Variants in GABPA observed in about 807,000 individuals in gnomAD.
The protein encoded by GABPA is GA-binding protein alpha chain.
In GABPA, 4 loss-of-function variants were observed where a neutral mutation model predicts 59.4. The observed-to-expected ratio is 0.07, with a 90% CI of 0.03 to 0.15. GABPA has a LOEUF of 0.15. Among genes scored for constraint, GABPA ranks in the 10% least tolerant of loss-of-function variants. GABPA has a pLI of 1.00. For synonymous variants in GABPA, 164 were observed against 183.1 expected, an observed-to-expected ratio of 0.90 and a Z score of 0.84; for missense variants, 251 against 543.8, an observed-to-expected ratio of 0.46 and a Z score of 5.36.
In GABPA at chr21:25,763,275, T is replaced by A; in HGVS notation, c.802+910T>A. The A allele has an allele frequency of 1.1e-5, 4 of 365,266 alleles. No homozygotes were observed. In the South Asian group the frequency reaches 1.2e-4, roughly 11 times the overall value. 22.6% of individuals were successfully genotyped at this position (365,266 alleles called of 1,614,324 possible). On this transcript the variant is annotated intron_variant, in intron 7 of 9. Transcript: ENST00000400075. ...GCCTGCTGAGCTCTTTTGGGGCATT[T>A]TTCCCCCCTTTTCAGCATGCATCTT...
intron 5 of GABPA, among the ~76,000 whole-genome samples, chr21:25,752,562 G>A (rs1325559729): frequency 1.3e-5 from 2 of 152,284 alleles, no homozygotes; most frequent in East Asian, 3.9e-4. Flanking sequence ...GTAGAAGTAT[G>A]CTATTGGAAT....
intron 7 of GABPA, among the ~76,000 whole-genome samples, chr21:25,763,574 A>C (rs1455343302): frequency 6.6e-6 from 1 of 152,154 alleles, no homozygotes; most frequent in Non-Finnish European, 1.5e-5. Context: ...CAACTATGTA[A>C]TCGTAAACAC....
intron 5 of GABPA, among the ~76,000 whole-genome samples, chr21:25,756,854 T>C (rs1282797262): frequency 6.6e-6 from 1 of 152,192 alleles, no homozygotes; most frequent in Non-Finnish European, 1.5e-5. Context: ...TAAAAAACTT[T>C]GCCACCATCT....
At chr21:25,744,613 G>T (rs1488722107) in intron 2 of GABPA, among the ~76,000 whole-genome samples, 1 of 152,104 alleles carries the variant, frequency 6.6e-6, no homozygotes, top group Non-Finnish European at 1.5e-5. Flanking sequence ...ACTTACCAAA[G>T]ATTTTAACCC....
At position 25,770,904 on chromosome 21, in the gene GABPA, A is replaced by G. The variant is rs1461031237; in HGVS notation, c.*1672A>G. 6.6e-6 allele frequency: 1 copy of G among 152,062 alleles called. No homozygotes were observed. The highest frequency in any genetic ancestry group is 1.9e-4 in the East Asian group (1 of 5,206). 9.4% of individuals were successfully genotyped at this position (152,062 alleles called of 1,614,324 possible). On this transcript the variant is annotated 3_prime_UTR_variant, in exon 10 of 10. Transcript: ENST00000400075. The stretch of plus-strand genomic sequence containing the variant: ...AAGCTCTTCCTGCAGTTGATATCTG[A>G]GCAGAGTAAGATTTGTATTTCCATT...
At chr21:25,747,815 A>G (rs940512963) in intron 3 of GABPA, among the ~76,000 whole-genome samples, 2 of 152,154 alleles carry the variant, frequency 1.3e-5, no homozygotes, top group African/African-American at 4.8e-5. Context: ...AGACAAGGAG[A>G]AAAAAACTTG....
In GABPA at chr21:25,764,653, C is replaced by A. The variant is rs761400758; in HGVS notation, c.1002C>A (p.Asp334Glu). 6.2e-7 allele frequency: 1 copy of A among 1,612,272 alleles called. No homozygotes were observed. Among genetic ancestry groups the A allele is most frequent in the East Asian group, 2.2e-5 (1 of 44,854 alleles). The stretch of plus-strand genomic sequence containing the variant: ...TGCTAGAACTTCTTACTGATAAGGA[C>A]GCTCGAGACTGCATTTCTTGGGTTG... ...QFLLELLTDK[D>E]ARDCISWVGD... Residue 334 changes from aspartate to glutamate, a missense_variant, in exon 9 of 10, where the codon GAC becomes GAA. Asp to Glu is a conservative substitution (Grantham distance 45). Around this residue, in one of 4 missense-constraint regions of GABPA, gnomAD observed 21 missense variants for 79.8 expected, o/e 0.26. Coordinates refer to ENST00000400075, the MANE Select transcript of GABPA (RefSeq NM_002040.4).
At chr21:25,762,467 A>G in intron 7 of GABPA, 102 bp downstream of exon 7, 2 of 749,668 alleles carry the variant, frequency 2.7e-6, no homozygotes, top group East Asian at 2.8e-5. Context: ...TTTTTTTTCT[A>G]CACACAAAAT....
intron 1 of GABPA, among the ~76,000 whole-genome samples, chr21:25,736,964 A>G (rs964422340): frequency 1.3e-5 from 2 of 152,180 alleles, no homozygotes; most frequent in Admixed American, 6.5e-5. Flanking sequence ...CTCCACTTAT[A>G]ATATATTGGG....
Position 25,770,781 on chromosome 21 carries a change from G to A in GABPA, c.*1549G>A, listed in dbSNP as rs1233432190. Reference sequence around the variant, plus strand: ...TAAGAGGCAGGGATCTTAAGGACAAGGAAGAGAAGAGAGAGAGGGAGGGAT... The same window carrying A: ...TAAGAGGCAGGGATCTTAAGGACAAAGAAGAGAAGAGAGAGAGGGAGGGAT... On this transcript the variant is annotated 3_prime_UTR_variant, in exon 10 of 10. Coordinates refer to ENST00000400075, the MANE Select transcript of GABPA (RefSeq NM_002040.4). 1 of 151,990 alleles carries A rather than the reference G, an allele frequency of 6.6e-6. No homozygotes were observed. Among genetic ancestry groups the A allele is most frequent in the Non-Finnish European group, 1.5e-5 (1 of 67,904 alleles). The allele number at this position is 151,990 out of a possible 1,614,324, so 9.4% of individuals were successfully genotyped here.
intron 9 of GABPA, among the ~76,000 whole-genome samples, chr21:25,767,436 G>A (rs1416302941): frequency 6.6e-6 from 1 of 151,474 alleles, no homozygotes; most frequent in Non-Finnish European, 1.5e-5. Flanking sequence ...TTCATTTTAG[G>A]GAGGCAACAA....
chr21:25,751,038 A>G lies in GABPA; in HGVS notation c.308-951A>G, dbSNP rs71649696. Among the ~76,000 whole-genome samples the G allele has an allele frequency of 1.2e-3, 182 of 152,194 alleles. 1 individual carries two copies. The highest frequency in any genetic ancestry group is 4.3e-3 in the African/African-American group (178 of 41,568). On this transcript the variant is annotated intron_variant, in intron 4 of 9. Coordinates refer to ENST00000400075, the MANE Select transcript of GABPA (RefSeq NM_002040.4). ...TAAGCTGTACTTTGATTGAATTTTGATATAGATTGTAATAGATTCAGTAAG... is the reference window on the plus strand; with the variant it reads ...TAAGCTGTACTTTGATTGAATTTTGGTATAGATTGTAATAGATTCAGTAAG...
rs376096956 is a variant in GABPA at position 25,764,266 on chromosome 21, A to G, written c.859A>G (p.Ile287Val). 56 of 1,611,648 alleles carry G rather than the reference A, an allele frequency of 3.5e-5. No individual in the cohort carries two copies. Among genetic ancestry groups the G allele is most frequent in the Non-Finnish European group, 4.7e-5 (55 of 1,178,688 alleles). ...TGCTACACCTACTACCATTAAAGTTATAAATAGTAGTGCGAAAGCAGCCAA... is the reference window on the plus strand; with the variant it reads ...TGCTACACCTACTACCATTAAAGTTGTAAATAGTAGTGCGAAAGCAGCCAA... ...QSATPTTIKV[I>V]NSSAKAAKVQ... The change falls in exon 8 of 10, where the codon ATA becomes GTA. Residue 287 changes from isoleucine (I) to valine (V), a missense_variant. Around this residue, in one of 4 missense-constraint regions of GABPA, gnomAD observed 207 missense variants for 366.7 expected, o/e 0.56. Coordinates refer to ENST00000400075, the MANE Select transcript of GABPA (RefSeq NM_002040.4).
In GABPA at chr21:25,734,990, G is replaced by A. The variant is rs769222928; in HGVS notation, c.-615G>A. On this transcript the variant is annotated 5_prime_UTR_variant, in exon 1 of 10. Transcript: ENST00000400075. ...CCGTTTCAGTCGGTCGACGCTCACC[G>A]GACAGGAAGCGTCTCGGAGACAGTC... 4 of 1,554,018 alleles carry A rather than the reference G, an allele frequency of 2.6e-6. No homozygotes were observed. Among genetic ancestry groups the A allele is most frequent in the African/African-American group, 1.4e-5 (1 of 73,352 alleles).
chr21:25,739,702 A>G (rs576151170), intron 1 of GABPA, among the ~76,000 whole-genome samples: 1 of 152,172 alleles, frequency 6.6e-6, no homozygotes, highest in South Asian at 2.1e-4. Context: ...TGCAGCCTCG[A>G]CTCCTGGTCT....
At chr21:25,746,139 G>A (rs978519823) in intron 3 of GABPA, among the ~76,000 whole-genome samples, 3 of 151,938 alleles carry the variant, frequency 2.0e-5, no homozygotes, top group African/African-American at 7.3e-5. Flanking sequence ...AGCCTCCTGA[G>A]TAGCTGGGAC....
intron 6 of GABPA, among the ~76,000 whole-genome samples, chr21:25,761,957 G>A (rs905574871): frequency 6.6e-6 from 1 of 152,064 alleles, no homozygotes; most frequent in African/African-American, 2.4e-5. Flanking sequence ...TTTAATTTTG[G>A]TGTATATTTT....
intron 5 of GABPA, among the ~76,000 whole-genome samples, chr21:25,755,335 C>T (rs559753496): frequency 6.0e-4 from 90 of 149,146 alleles, no homozygotes; most frequent in African/African-American, 2.2e-3. Context: ...TCCTAGGAGG[C>T]TAAGCTGGGA....
intron 3 of GABPA, among the ~76,000 whole-genome samples, chr21:25,746,041 T>C (rs1340620191): frequency 1.3e-5 from 2 of 152,014 alleles, no homozygotes; most frequent in Non-Finnish European, 2.9e-5. Context: ...AAATGGAGTC[T>C]CGTTCTGTCA....
Sources: allele counts gnomAD v4.1 joint callset (sites outside exome capture counted in the v4.1 genomes callset), GRCh38; gene constraint gnomAD v4.1.1; regional missense constraint gnomAD v4.1.1; transcripts MANE v1.5; gene names NCBI Gene and HGNC (gene_info 2026-07-23, HGNC 2026-07-21).